The following LHFPL6 variants were observed in gnomAD, a reference collection of about 807,000 sequenced individuals.
LHFPL6 encodes LHFPL tetraspan subfamily member 6 protein.
Under a neutral mutation model 20.6 loss-of-function variants are expected in LHFPL6, and 9 were observed. That is an observed-to-expected ratio of 0.44 (90% CI 0.26 to 0.76). LHFPL6 has a LOEUF of 0.76. Ranked by LOEUF, LHFPL6 falls within the 30% of genes least tolerant of loss-of-function variation. The pLI, the probability that LHFPL6 is intolerant of heterozygous loss-of-function variation, is 0.20. For missense variants in LHFPL6, 218 were observed against 253.5 expected (o/e 0.86, Z 0.95); for synonymous variants, 105 against 98.7 (o/e 1.06, Z -0.38).
At chr13:39,369,303 A>T (rs1257278892) in intron 3 of LHFPL6, among the ~76,000 whole-genome samples, 1 of 152,178 alleles carries the variant, frequency 6.6e-6, no homozygotes, top group African/African-American at 2.4e-5. Context: ...TAAATAAAAG[A>T]GTAGGAATGA....
intron 2 of LHFPL6, among the ~76,000 whole-genome samples, chr13:39,508,143 G>A (rs1438257927): frequency 6.6e-6 from 1 of 151,738 alleles, no homozygotes; most frequent in African/African-American, 2.4e-5. Context: ...TCCTGCCTCA[G>A]CCTCCCGAGT....
chr13:39,544,282 G>A (rs569054399), intron 2 of LHFPL6, among the ~76,000 whole-genome samples: 22 of 152,112 alleles, frequency 1.4e-4, no homozygotes, highest in Non-Finnish European at 2.6e-4. Context: ...ACATTTTGCC[G>A]CTATATAATT....
chr13:39,451,253 A>C (rs574194797), intron 2 of LHFPL6, among the ~76,000 whole-genome samples: 1 of 152,334 alleles, frequency 6.6e-6, no homozygotes, highest in South Asian at 2.1e-4. Context: ...AAGTTTGTTC[A>C]TATTTCTGTT....
chr13:39,506,721 G>A (rs2138469516), intron 2 of LHFPL6, among the ~76,000 whole-genome samples: 1 of 152,226 alleles, frequency 6.6e-6, no homozygotes, highest in Admixed American at 6.5e-5. Context: ...GGGATAGGGA[G>A]GTGGGGGGGA....
At chr13:39,549,076 C>T (rs190700053) in intron 2 of LHFPL6, among the ~76,000 whole-genome samples, 1 of 152,004 alleles carries the variant, frequency 6.6e-6, no homozygotes, top group Non-Finnish European at 1.5e-5. Context: ...TTAAAACAAC[C>T]CTATTACAAA....
chr13:39,401,981 T>C (rs1049951971), intron 2 of LHFPL6, among the ~76,000 whole-genome samples: 2 of 152,140 alleles, frequency 1.3e-5, no homozygotes, highest in African/African-American at 4.8e-5. Flanking sequence ...CCGTCCGATA[T>C]GGTAACCACT....
chr13:39,444,126 T>C (rs1353454761), intron 2 of LHFPL6, among the ~76,000 whole-genome samples: 1 of 152,202 alleles, frequency 6.6e-6, no homozygotes, highest in African/African-American at 2.4e-5. Flanking sequence ...CCTAGAACTT[T>C]GTGGAACGGG....
At chr13:39,560,500 T>C (rs920760381) in intron 2 of LHFPL6, among the ~76,000 whole-genome samples, 5 of 131,000 alleles carry the variant, frequency 3.8e-5, no homozygotes, top group Admixed American at 2.5e-4. Context: ...GTTATGCAAA[T>C]TCTCTTTTTT....
rs1470299355 is a variant in LHFPL6, at chr13:39,560,987, C to T, written c.385+39845G>A. On this transcript the variant is annotated intron_variant, in intron 2 of 3. Coordinates refer to ENST00000379589, the MANE Select transcript of LHFPL6 (RefSeq NM_005780.3). ...CACCATCCAGACCCTGGTGAGCTTT[C>T]CAGCCTCCTCTCTGGCCATCGTCCC... 2.6e-5 allele frequency among the ~76,000 whole-genome samples: 4 copies of T among 152,096 alleles called. No individual in the cohort carries two copies. In the East Asian group the frequency reaches 7.7e-4, roughly 29 times the overall value.
rs914597219 is a variant in LHFPL6 at position 39,352,886 on chromosome 13, T to C, written c.485-8832A>G. 3.2e-4 allele frequency among the ~76,000 whole-genome samples: 17 copies of C among 53,822 alleles called. 1 individual carries two copies. The highest frequency in any genetic ancestry group is 9.1e-4 in the South Asian group (1 of 1,094). 35.3% of individuals were successfully genotyped at this position (53,822 alleles called of 152,430 possible). A position where few individuals can be genotyped will look rare whatever the true frequency, so the allele number is the denominator to read the frequency against. On this transcript the variant is annotated intron_variant, in intron 3 of 3. Coordinates refer to ENST00000379589, the MANE Select transcript of LHFPL6 (RefSeq NM_005780.3). ...ATGTGTATATATATATATAAATGTA[T>C]ATATATGTGTATATATATATAAATG...
rs373775599 is a variant in LHFPL6, at chr13:39,451,808, T to G, written c.386-73282A>C. Among the ~76,000 whole-genome samples the G allele has an allele frequency of 1.1e-4, 16 of 152,350 alleles. No homozygotes were observed. In the South Asian group the frequency reaches 1.7e-3, roughly 16 times the overall value. ...AAGTTACACCCTTTACTAATATTCCTAAAGATCTAAAGATTCTAGTATATA... is the reference window on the plus strand; with the variant it reads ...AAGTTACACCCTTTACTAATATTCCGAAAGATCTAAAGATTCTAGTATATA... On this transcript the variant is annotated intron_variant, in intron 2 of 3. Coordinates refer to ENST00000379589, the MANE Select transcript of LHFPL6 (RefSeq NM_005780.3).
At chr13:39,572,974 G>A (rs1263050611) in intron 2 of LHFPL6, among the ~76,000 whole-genome samples, 2 of 152,168 alleles carry the variant, frequency 1.3e-5, no homozygotes, top group Non-Finnish European at 2.9e-5. Flanking sequence ...GGTGAGATAC[G>A]CAATCTAATA....
intron 2 of LHFPL6, among the ~76,000 whole-genome samples, chr13:39,569,104 C>A (rs1203442844): frequency 6.7e-5 from 10 of 149,812 alleles, no homozygotes; most frequent in African/African-American, 2.5e-4. Context: ...CAGTTTCTGG[C>A]ACACAATAGA....
intron 2 of LHFPL6, among the ~76,000 whole-genome samples, chr13:39,494,924 G>A (rs1404124671): frequency 6.6e-6 from 1 of 152,094 alleles, no homozygotes; most frequent in African/African-American, 2.4e-5. Context: ...CCGATCACAT[G>A]AGCTGGCAGC....
chr13:39,362,587 A>G (rs1284632637), intron 3 of LHFPL6, among the ~76,000 whole-genome samples: 2 of 152,246 alleles, frequency 1.3e-5, no homozygotes, highest in Non-Finnish European at 2.9e-5. Flanking sequence ...TATGATATGC[A>G]AAATGAGACA....
intron 2 of LHFPL6, among the ~76,000 whole-genome samples, chr13:39,514,539 A>G (rs765928957): frequency 3.3e-5 from 5 of 152,208 alleles, no homozygotes; most frequent in Non-Finnish European, 7.3e-5. Context: ...ACAATAATCT[A>G]GGCAGGAACA....
chr13:39,382,482 T>C (rs1853563), intron 2 of LHFPL6, among the ~76,000 whole-genome samples: 149,284 of 152,220 alleles, frequency 0.98, 73,264 homozygotes, highest in East Asian at 1. Context: ...GGCTTACTCC[T>C]GGGTTCAAGT....
intron 2 of LHFPL6, among the ~76,000 whole-genome samples, chr13:39,503,380 C>T (rs1869362142): frequency 6.6e-6 from 1 of 152,172 alleles, no homozygotes; most frequent in Non-Finnish European, 1.5e-5. Flanking sequence ...AACAGCAGCT[C>T]AATAAGGCCT....
In LHFPL6 at chr13:39,343,101, C is replaced by T. The variant is rs114213581; in HGVS notation, c.*835G>A. On this transcript the variant is annotated 3_prime_UTR_variant, in exon 4 of 4. Transcript: ENST00000379589. Reference sequence around the variant, plus strand: ...CTCTCCTATAGTGGACAGAAAGTTGCCCCTTTTCTTCATAAGAATATCATA... The same window carrying T: ...CTCTCCTATAGTGGACAGAAAGTTGTCCCTTTTCTTCATAAGAATATCATA... 3.6e-3 allele frequency: 735 copies of T among 202,374 alleles called. 4 individuals are homozygous for T. The highest frequency in any genetic ancestry group is 0.015 in the African/African-American group (675 of 43,742). 12.5% of individuals were successfully genotyped at this position (202,374 alleles called of 1,614,324 possible).
Sources: gnomAD v4.1 joint callset for allele counts (sites outside exome capture counted in the v4.1 genomes callset) on GRCh38, gnomAD v4.1.1 for gene constraint, MANE v1.5 for transcripts, NCBI Gene and HGNC (gene_info 2026-07-23, HGNC 2026-07-21) for gene names.